Variants in MACROD2 observed in about 807,000 individuals in gnomAD.
MACROD2 encodes ADP-ribose glycohydrolase MACROD2.
In MACROD2, 36 loss-of-function variants were observed where a neutral mutation model predicts 70.4. The observed-to-expected ratio is 0.51, with a 90% CI of 0.39 to 0.68. The LOEUF is 0.68. Ranked by LOEUF, MACROD2 falls within the 30% of genes least tolerant of loss-of-function variation. The pLI, the probability that MACROD2 is intolerant of heterozygous loss-of-function variation, is 0.00. For missense variants in MACROD2, 496 were observed against 538.4 expected (o/e 0.92, Z 0.78); for synonymous variants, 172 against 178.8 (o/e 0.96, Z 0.30).
At chr20:15,617,560 G>A (rs1391320173) in intron 8 of MACROD2, among the ~76,000 whole-genome samples, 1 of 152,184 alleles carries the variant, frequency 6.6e-6, no homozygotes, top group Admixed American at 6.5e-5. Context: ...ACAGACAGGT[G>A]AACATAAGTT....
chr20:15,827,214 G>A (rs1327291523), intron 8 of MACROD2, among the ~76,000 whole-genome samples: 1 of 152,048 alleles, frequency 6.6e-6, no homozygotes, highest in Non-Finnish European at 1.5e-5. Context: ...TCACTTGACT[G>A]CAGACTCATT....
intron 3 of MACROD2, among the ~76,000 whole-genome samples, chr20:14,470,882 A>C (rs2084522173): frequency 6.6e-6 from 1 of 152,114 alleles, no homozygotes. Context: ...GGATCTGCTG[A>C]ACTAGACCAC....
intron 5 of MACROD2, among the ~76,000 whole-genome samples, chr20:14,875,485 C>T (rs1307588785): frequency 3.3e-5 from 5 of 152,044 alleles, no homozygotes; most frequent in African/African-American, 1.2e-4. Context: ...TATTTTGATT[C>T]TTTTTAAAAA....
intron 5 of MACROD2, among the ~76,000 whole-genome samples, chr20:14,978,881 TAAAATA>T (rs1568909288): frequency 6.0e-5 from 3 of 49,962 alleles, no homozygotes; most frequent in African/African-American, 8.9e-5. Flanking sequence ...ATATAATATA[TAAAATA>T]TATATATTAT....
At chr20:15,015,855 T>G (rs926226170) in intron 5 of MACROD2, among the ~76,000 whole-genome samples, 2 of 152,234 alleles carry the variant, frequency 1.3e-5, no homozygotes, top group Non-Finnish European at 2.9e-5. Context: ...TTTGAGCATA[T>G]AGTTTTCCTC....
At chr20:15,380,997 C>T (rs911145788) in intron 6 of MACROD2, among the ~76,000 whole-genome samples, 10 of 152,110 alleles carry the variant, frequency 6.6e-5, no homozygotes, top group Admixed American at 3.3e-4. Flanking sequence ...CCAATACCCA[C>T]GTTGGAATTA....
At chr20:14,846,250 G>A (rs1020504895) in intron 5 of MACROD2, among the ~76,000 whole-genome samples, 2 of 151,716 alleles carry the variant, frequency 1.3e-5, no homozygotes, top group East Asian at 1.9e-4. Flanking sequence ...ACGGAGTCTC[G>A]CACTGCACAC....
intron 3 of MACROD2, among the ~76,000 whole-genome samples, chr20:14,172,059 A>G (rs1179263458): frequency 6.6e-6 from 1 of 152,100 alleles, no homozygotes; most frequent in African/African-American, 2.4e-5. Flanking sequence ...ATATTTTCCT[A>G]TTGGACAAGT....
intron 5 of MACROD2, among the ~76,000 whole-genome samples, chr20:14,846,092 A>AG (rs2073137339): frequency 6.6e-6 from 1 of 152,196 alleles, no homozygotes; most frequent in African/African-American, 2.4e-5. Context: ...AGTCAAAAAA[A>AG]GTATTTCTGA....
chr20:14,629,952 G>GTTCTATCTATCTATCTATCT (rs201078091), intron 4 of MACROD2, among the ~76,000 whole-genome samples: 2 of 129,058 alleles, frequency 1.5e-5, no homozygotes. Context: ...TATGTGCTAA[G>GTTCTATCTATCTATCTATCT]GTCTATCTAT....
At chr20:14,161,637 C>T (rs943166403) in intron 3 of MACROD2, among the ~76,000 whole-genome samples, 18 of 148,838 alleles carry the variant, frequency 1.2e-4, no homozygotes, top group Admixed American at 1.3e-4. Context: ...AGTGCAGTGG[C>T]GCGATCGCAG....
intron 8 of MACROD2, among the ~76,000 whole-genome samples, chr20:15,658,105 G>A (rs1174281593): frequency 6.6e-6 from 1 of 151,958 alleles, no homozygotes; most frequent in East Asian, 1.9e-4. Context: ...AGAGCTTGTT[G>A]CCTTGAGATT....
At chr20:15,616,120 T>TTTTG (rs1568930682) in intron 8 of MACROD2, among the ~76,000 whole-genome samples, 1 of 142,686 alleles carries the variant, frequency 7.0e-6, no homozygotes. Context: ...TTTTTTTTTT[T>TTTTG]GAGACAGAGT....
chr20:15,309,411 A>G (rs1431411904), intron 6 of MACROD2, among the ~76,000 whole-genome samples: 1 of 152,150 alleles, frequency 6.6e-6, no homozygotes. Context: ...ATGATTACCA[A>G]ACTAATGCTG....
chr20:16,035,603 A>C (rs2067223922), intron 15 of MACROD2, among the ~76,000 whole-genome samples: 1 of 152,044 alleles, frequency 6.6e-6, no homozygotes, highest in Admixed American at 6.6e-5. Context: ...AATTAAGAAA[A>C]ATTTAGAACT....
chr20:14,598,168 C>T (rs763412874), intron 4 of MACROD2, among the ~76,000 whole-genome samples: 8 of 152,130 alleles, frequency 5.3e-5, no homozygotes, highest in East Asian at 1.9e-4. Context: ...GGCAGACTCA[C>T]GCAAACTTCA....
intron 3 of MACROD2, among the ~76,000 whole-genome samples, chr20:14,231,255 A>G (rs2081809439): frequency 6.6e-6 from 1 of 152,152 alleles, no homozygotes; most frequent in South Asian, 2.1e-4. Flanking sequence ...GTCATTTAAC[A>G]TTAGGTATAT....
At chr20:15,748,440 G>A (rs554446154) in intron 8 of MACROD2, among the ~76,000 whole-genome samples, 17 of 150,810 alleles carry the variant, frequency 1.1e-4, no homozygotes, top group Non-Finnish European at 1.9e-4. Context: ...CATCACCACA[G>A]AAAACTTCTC....
chr20:15,467,567 C>T (rs1312644032), intron 7 of MACROD2, among the ~76,000 whole-genome samples: 2 of 152,256 alleles, frequency 1.3e-5, no homozygotes, highest in Admixed American at 6.5e-5. Flanking sequence ...TTCTCTGTCT[C>T]TCCTCTCTCT....
Sources: allele counts gnomAD v4.1 joint callset (sites outside exome capture counted in the v4.1 genomes callset), GRCh38; gene constraint gnomAD v4.1.1; transcripts MANE v1.5; gene names NCBI Gene and HGNC (gene_info 2026-07-23, HGNC 2026-07-21).